HDHD3: variants seen among roughly 807,000 people sequenced by gnomAD.
HDHD3 encodes the protein haloacid dehalogenase-like hydrolase domain-containing protein 3.
HDHD3 carries 6 observed loss-of-function variants against 6.9 expected under a neutral mutation model. The ratio of observed to expected loss-of-function variants is 0.87; its 90% CI spans 0.48 to 1.72. HDHD3 has a LOEUF of 1.72. Ranked by LOEUF, HDHD3 falls within the 40% of genes most tolerant of loss-of-function variation. The pLI is 0.01. For missense variants in HDHD3, 308 were observed against 327.4 expected (o/e 0.94, Z 0.46); for synonymous variants, 139 against 140.7 (o/e 0.99, Z 0.08).
chr9:113,374,274 C>A lies in HDHD3; in HGVS notation c.81G>T (p.Glu27Asp). The A allele has an allele frequency of 6.3e-7, 1 of 1,586,736 alleles. No individual in the cohort carries two copies. The highest frequency in any genetic ancestry group is 8.6e-7 in the Non-Finnish European group (1 of 1,165,826). Residue 27 changes from glutamate (E) to aspartate (D), a missense_variant, in exon 3 of 3, where the codon GAG becomes GAT. Transcript: ENST00000374180. Reference sequence around the variant, plus strand: ...GGGCCCGGGCCTTGGTGGCATAGGCCTCCCCTAAGGGGTGGCGGAGCCTGA... The same window carrying A: ...GGGCCCGGGCCTTGGTGGCATAGGCATCCCCTAAGGGGTGGCGGAGCCTGA... ...TLLRLRHPLG[E>D]AYATKARAHG...
Position 113,373,781 on chromosome 9 carries a change from C to T in HDHD3, c.574G>A (p.Asp192Asn), listed in dbSNP as rs1412022496. Reference sequence around the variant, plus strand: ...CCCTGGTAATCGCAGAGGTAATTATCCCCAACATGGGCTGCCACTACTGGT... The same window carrying T: ...CCCTGGTAATCGCAGAGGTAATTATTCCCAACATGGGCTGCCACTACTGGT... ...MEPVVAAHVG[D>N]NYLCDYQGPR... Residue 192 changes from aspartate (D) to asparagine (N), a missense_variant, in exon 3 of 3, where the codon GAT becomes AAT. Transcript: ENST00000374180. The T allele has an allele frequency of 1.2e-6, 2 of 1,612,406 alleles. No homozygotes were observed. The highest frequency in any genetic ancestry group is 1.7e-6 in the Non-Finnish European group (2 of 1,178,718).
At position 113,375,500 on chromosome 9, in the gene HDHD3, TTCCAGAC is replaced by T. The variant is rs1834437688; in HGVS notation, c.-230_-224del. ...GCACAGCCAGGACCAGAACCCAAAC[TTCCAGAC>T]TCTCTGGCCAGTTCTTCCACTGTAC... On this transcript the variant is annotated 5_prime_UTR_variant, in exon 2 of 3. The change creates a premature stop within an existing upstream ORF in the 5' untranslated region. Transcript: ENST00000374180. The T allele has an allele frequency of 6.6e-6, 1 of 152,272 alleles. No individual in the cohort carries two copies. Among genetic ancestry groups the T allele is most frequent in the Non-Finnish European group, 1.5e-5 (1 of 68,112 alleles). The allele number at this position is 152,272 out of a possible 1,614,324, so 9.4% of individuals were successfully genotyped here. A position where few individuals can be genotyped will look rare whatever the true frequency, so the allele number is the denominator to read the frequency against.
chr9:113,376,448 A>G (rs1190410048), intron 1 of HDHD3, among the ~76,000 whole-genome samples: 1 of 142,698 alleles, frequency 7.0e-6, no homozygotes, highest in Non-Finnish European at 1.5e-5. Flanking sequence ...CCCGGATTCA[A>G]GCGATTCTCC....
At position 113,373,786 on chromosome 9, in the gene HDHD3, A is replaced by T. The variant is rs766898303; in HGVS notation, c.569T>A (p.Val190Asp). The change falls in exon 3 of 3, where the codon GTT (valine) becomes GAT (aspartate). Residue 190 changes from valine (V) to aspartate (D), a missense_variant. Coordinates refer to ENST00000374180, the MANE Select transcript of HDHD3 (RefSeq NM_001304509.2). ...AHMEPVVAAH[V>D]GDNYLCDYQG... ...GTAATCGCAGAGGTAATTATCCCCA[A>T]CATGGGCTGCCACTACTGGTTCCAT... 4.0e-5 allele frequency: 64 copies of T among 1,612,352 alleles called. No homozygotes were observed. Among genetic ancestry groups the T allele is most frequent in the Non-Finnish European group, 4.8e-5 (56 of 1,178,776 alleles).
chr9:113,373,610 G>C lies in HDHD3; in HGVS notation c.745C>G (p.Pro249Ala). The C allele has an allele frequency of 6.4e-7, 1 of 1,574,746 alleles. No homozygotes were observed. The highest frequency in any genetic ancestry group is 1.7e-4 in the Middle Eastern group (1 of 5,858). Reference sequence around the variant, plus strand: ...TTCCCTCACTGGCCTCAAAGCCCTGGAGTTGAGCCCTCTAGGCAGTCAAGG... The same window carrying C: ...TTCCCTCACTGGCCTCAAAGCCCTGCAGTTGAGCCCTCTAGGCAGTCAAGG... Reference protein sequence around the residue: ...PALDCLEGSTPGL With the variant: ...PALDCLEGSTAGL Residue 249 changes from proline to alanine, a missense_variant, in exon 3 of 3, where the codon CCA (proline) becomes GCA (alanine). Pro to Ala is a conservative substitution (Grantham distance 27, BLOSUM62 -1). Transcript: ENST00000374180.
At position 113,373,604 on chromosome 9, in the gene HDHD3, G is replaced by A. The variant is rs1834382127; in HGVS notation, c.751C>T (p.Leu251Phe). Residue 251 changes from leucine (L) to phenylalanine (F), a missense_variant, in exon 3 of 3, where the codon CTT becomes TTT. By Grantham distance (22) the Leu-to-Phe change is conservative. Coordinates refer to ENST00000374180, the MANE Select transcript of HDHD3 (RefSeq NM_001304509.2). ...AGCCACTTCCCTCACTGGCCTCAAA[G>A]CCCTGGAGTTGAGCCCTCTAGGCAG... Reference protein sequence around the residue: ...LDCLEGSTPGL With the variant: ...LDCLEGSTPGF 1.3e-6 allele frequency: 2 copies of A among 1,567,030 alleles called. No homozygotes were observed. The highest frequency in any genetic ancestry group is 4.5e-5 in the East Asian group (2 of 44,332).
In HDHD3 at chr9:113,374,519, A is replaced by G. The variant is rs886703385; in HGVS notation, c.-165T>C. On this transcript the variant is annotated 5_prime_UTR_variant, in exon 3 of 3. Coordinates refer to ENST00000374180, the MANE Select transcript of HDHD3 (RefSeq NM_001304509.2). ...TGAAGCACTTGGGAAATGTCTTCACAGCACAAGATCCTAGAATGAAAAATA... is the reference window on the plus strand; with the variant it reads ...TGAAGCACTTGGGAAATGTCTTCACGGCACAAGATCCTAGAATGAAAAATA... 6.0e-5 allele frequency: 31 copies of G among 514,174 alleles called. No homozygotes were observed. Among genetic ancestry groups the G allele is most frequent in the African/African-American group, 5.7e-4 (30 of 52,708 alleles). 31.9% of individuals were successfully genotyped at this position (514,174 alleles called of 1,614,324 possible). A position where few individuals can be genotyped will look rare whatever the true frequency, so the allele number is the denominator to read the frequency against.
Position 113,373,992 on chromosome 9 carries a change from CAG to C in HDHD3, c.361_362del (p.Leu121GlufsTer17). On this transcript the variant is annotated frameshift_variant, in exon 3 of 3. Coordinates refer to ENST00000374180, the MANE Select transcript of HDHD3 (RefSeq NM_001304509.2). LOFTEE classifies it high-confidence loss of function. ...TCAGACCCCGTGTGCGGCACTCCCT[CAG>C]GGTGTCCTCAGCCCCATCCAACACC... ...WQVLDGAEDT[L>X]RECRTRGLRL... 6.2e-7 allele frequency: 1 copy of C among 1,614,222 alleles called. No individual in the cohort carries two copies. Among genetic ancestry groups the C allele is most frequent in the Non-Finnish European group, 8.5e-7 (1 of 1,180,048 alleles).
chr9:113,376,372 G>A (rs1483062955), intron 1 of HDHD3, among the ~76,000 whole-genome samples: 1 of 108,688 alleles, frequency 9.2e-6, no homozygotes, highest in Non-Finnish European at 1.8e-5. Context: ...TTTTTTTTGA[G>A]ACAGAGTCTC....
At chr9:113,374,899 AG>A (rs1834424939) in intron 2 of HDHD3, among the ~76,000 whole-genome samples, 1 of 146,744 alleles carries the variant, frequency 6.8e-6, no homozygotes, top group Non-Finnish European at 1.6e-5. Flanking sequence ...TTTGTGAGAC[AG>A]GGTCTCTCTC....
Position 113,374,157 on chromosome 9 carries a change from G to T in HDHD3, c.198C>A (p.Ser66Arg). ...ACCACTGGCGGGAGGTTAGGCCGTG[G>T]CTCAGGCCGTAGTTGGGGAAGCTGT... The part of the protein sequence containing the change: ...QSHSFPNYGL[S>R]HGLTSRQWWL... The change falls in exon 3 of 3, where the codon AGC becomes AGA. Residue 66 changes from serine (S) to arginine (R), a missense_variant. Ser to Arg is a moderately radical substitution (Grantham distance 110). Transcript: ENST00000374180. 2 of 1,595,648 alleles carry T rather than the reference G, an allele frequency of 1.3e-6. No homozygotes were observed. Among genetic ancestry groups the T allele is most frequent in the Non-Finnish European group, 1.7e-6 (2 of 1,166,486 alleles).
Position 113,373,906 on chromosome 9 carries a change from A to G in HDHD3, c.449T>C (p.Leu150Pro). ...CAGCACAAAGTCGAAGTGTTCACGC[A>G]GGCCAAGGCCCCCCAGGATGCCCTC... ...RLEGILGGLG[L>P]REHFDFVLTS... Residue 150 changes from leucine to proline, a missense_variant, in exon 3 of 3, where the codon CTG becomes CCG. By Grantham distance (98) the Leu-to-Pro change is moderately conservative. Transcript: ENST00000374180. 1.2e-6 allele frequency: 2 copies of G among 1,614,256 alleles called. 1 individual carries two copies. The highest frequency in any genetic ancestry group is 2.7e-5 in the African/African-American group (2 of 75,076).
At chr9:113,374,632 C>A in intron 2 of HDHD3, 103 bp from the exon 3 acceptor site, 1 of 361,122 alleles carries the variant, frequency 2.8e-6, no homozygotes, top group Admixed American at 4.3e-5. Context: ...AGGAAAGTCA[C>A]TCTGAATCCA....
In HDHD3 at chr9:113,373,629, G is replaced by A. The variant is rs557375796; in HGVS notation, c.726C>T (p.Asp242=). The A allele has an allele frequency of 3.1e-6, 5 of 1,602,006 alleles. No homozygotes were observed. Among genetic ancestry groups the A allele is most frequent in the East Asian group, 4.5e-5 (2 of 44,768 alleles). ...PSLAHLLPAL[D]CLEGSTPGL is the part of the protein sequence containing the mutation. ...GCCCTGGAGTTGAGCCCTCTAGGCA[G>A]TCAAGGGCAGGCAGGAGATGGGCCA... Residue 242 remains aspartate (D), a synonymous_variant, in exon 3 of 3, where the codon GAC becomes GAT. Transcript: ENST00000374180.
At chr9:113,376,590 T>TTCCCCCCCCCCCCCC (rs137860074) in intron 1 of HDHD3, 139 bp downstream of exon 1, 6 of 134,284 alleles carry the variant, frequency 4.5e-5, no homozygotes, top group Non-Finnish European at 6.2e-5. Context: ...CTCGTGATCC[T>TTCCCCCCCCCCCCCC]CCCCCGCCCC....
At chr9:113,376,590 T>TTCCCCCCCCCCCCCCCCCCCCCCC (rs137860074) in intron 1 of HDHD3, 139 bp downstream of exon 1, 29 of 134,330 alleles carry the variant, frequency 2.2e-4, no homozygotes, top group African/African-American at 3.2e-4. Context: ...CTCGTGATCC[T>TTCCCCCCCCCCCCCCCCCCCCCCC]CCCCCGCCCC....
chr9:113,374,939 T>C (rs1427471527), intron 2 of HDHD3, among the ~76,000 whole-genome samples: 4 of 152,194 alleles, frequency 2.6e-5, no homozygotes, highest in Admixed American at 2.0e-4. Flanking sequence ...GCATGGCTCA[T>C]TGCAGCCTCG....
Position 113,374,101 on chromosome 9 carries a change from AG to A in HDHD3, c.253del (p.Leu85TrpfsTer10), listed in dbSNP as rs1350196554. On this transcript the variant is annotated frameshift_variant, in exon 3 of 3. Coordinates refer to ENST00000374180, the MANE Select transcript of HDHD3 (RefSeq NM_001304509.2). LOFTEE classifies it high-confidence loss of function. Reference protein sequence around the residue: ...WLDVVLQTFHLAGVQDAQAVA... With the variant: ...WLDVVLQTFHXAGVQDAQAVA... ...AGCCTGAGCATCCTGGACACCCGCC[AG>A]GTGGAAGGTCTGCAGGACCACATCC... 23 of 1,605,384 alleles carry A rather than the reference AG, an allele frequency of 1.4e-5. No individual in the cohort carries two copies. Among genetic ancestry groups the A allele is most frequent in the Non-Finnish European group, 2.0e-5 (23 of 1,172,948 alleles).
Position 113,373,456 on chromosome 9 carries a change from G to T in HDHD3, c.*143C>A. On this transcript the variant is annotated 3_prime_UTR_variant, in exon 3 of 3. Transcript: ENST00000374180. The stretch of plus-strand genomic sequence containing the variant: ...GAAGGGTGAGAGCTCAGCACTCACT[G>T]CTTTATTATCACAGTAGGTGACAAA... 1 of 876,572 alleles carries T rather than the reference G, an allele frequency of 1.1e-6. No homozygotes were observed. The highest frequency in any genetic ancestry group is 1.7e-6 in the Non-Finnish European group (1 of 582,614). 54.3% of individuals were successfully genotyped at this position (876,572 alleles called of 1,614,324 possible).
Sources: allele counts gnomAD v4.1 joint callset (sites outside exome capture counted in the v4.1 genomes callset), GRCh38; gene constraint gnomAD v4.1.1; transcripts MANE v1.5; gene names NCBI Gene and HGNC (gene_info 2026-07-23, HGNC 2026-07-21).